The following EPS8 variants were observed in gnomAD, a reference collection of about 807,000 sequenced individuals.
EPS8 encodes the protein epidermal growth factor receptor kinase substrate 8.
A neutral mutation model predicts 103.8 loss-of-function variants in EPS8; 42 were observed. The observed-to-expected ratio is 0.40, with a 90% confidence interval of 0.32 to 0.52. The LOEUF (loss-of-function observed/expected upper bound fraction) is 0.52, where lower values mean the gene tolerates loss of function less well. EPS8 is among the 20% of genes least tolerant of loss of function. EPS8 has a pLI of 0.40. For missense variants in EPS8, 969 were observed against 1,005.1 expected, an observed-to-expected ratio of 0.96 and a Z score of 0.49; for synonymous variants, 344 against 344.6, an observed-to-expected ratio of 1.00 and a Z score of 0.02.
intron 14 of EPS8, 97 bp from the exon 15 acceptor site, chr12:15,647,357 G>C (rs1463281248): frequency 1.8e-6 from 2 of 1,101,946 alleles, no homozygotes; most frequent in Non-Finnish European, 2.5e-6. Flanking sequence ...ATTGTGATAA[G>C]TTTTCATTTT....
chr12:15,666,578 G>A lies in EPS8; in HGVS notation c.517-56C>T, dbSNP rs932682970. On this transcript the variant is annotated intron_variant, in intron 6 of 20. Transcript: ENST00000281172. Reference sequence around the variant, plus strand: ...TATGGATTTTTCTGAGTCTTGATATGTAGTTTAAAACAGAAAAAGGGATTG... The same window carrying A: ...TATGGATTTTTCTGAGTCTTGATATATAGTTTAAAACAGAAAAAGGGATTG... 7.3e-5 allele frequency: 93 copies of A among 1,275,754 alleles called. 1 individual carries two copies. Among genetic ancestry groups the A allele is most frequent in the Non-Finnish European group, 1.0e-4 (88 of 876,026 alleles). The allele number at this position is 1,275,754 out of a possible 1,614,324, so 79.0% of individuals were successfully genotyped here. A position where few individuals can be genotyped will look rare whatever the true frequency, so the allele number is the denominator to read the frequency against.
rs141657837 is a variant in EPS8 at position 15,686,286 on chromosome 12, G to A, written c.-21-3314C>T. ...AATATATAATACATATACAAAATAC[G>A]TTAATCAACTATTTATATGATCTTA... On this transcript the variant is annotated intron_variant, in intron 1 of 20. Coordinates refer to ENST00000281172, the MANE Select transcript of EPS8 (RefSeq NM_004447.6). Among the ~76,000 whole-genome samples the A allele has an allele frequency of 1.4e-3, 207 of 152,124 alleles. 5 individuals are homozygous for A. The East Asian group carries it at 0.037, about 27-fold the overall frequency.
chr12:15,666,403 A>T, intron 7 of EPS8, 37 bp downstream of exon 7: 1 of 1,502,452 alleles, frequency 6.7e-7, no homozygotes, highest in South Asian at 1.2e-5. Context: ...TTAGAAACAA[A>T]TCAATTCCAC....
At chr12:15,647,286 A>T in intron 14 of EPS8, 26 bp from the exon 15 acceptor site, 1 of 1,600,072 alleles carries the variant, frequency 6.2e-7, no homozygotes, top group Non-Finnish European at 8.5e-7. Context: ...GGGCAGATTA[A>T]AGAATCACCA....
In EPS8 at chr12:15,700,302, C is replaced by T. The variant is rs1946296315; in HGVS notation, c.-21-17330G>A. Among the ~76,000 whole-genome samples, 1 of 152,164 alleles carries T rather than the reference C, an allele frequency of 6.6e-6. No individual in the cohort carries two copies. Reference sequence around the variant, plus strand: ...AACGTATTCTTTTCTATCTTCTAAACAATTCTGAGGTGTGGCAAACTAGTA... The same window carrying T: ...AACGTATTCTTTTCTATCTTCTAAATAATTCTGAGGTGTGGCAAACTAGTA... On this transcript the variant is annotated intron_variant, in intron 1 of 20. Transcript: ENST00000281172. The surrounding 1 kb of genome is among the most constrained non-coding windows in gnomAD (Gnocchi z 5.1).
chr12:15,729,997 G>A (rs1249966235), intron 1 of EPS8, among the ~76,000 whole-genome samples: 1 of 152,010 alleles, frequency 6.6e-6, no homozygotes, highest in Non-Finnish European at 1.5e-5. Flanking sequence ...CACTTCTAGG[G>A]ATCAAGAACC....
Position 15,787,931 on chromosome 12 carries a change from G to C in EPS8, c.-22+1230C>G, listed in dbSNP as rs1947326851. On this transcript the variant is annotated intron_variant, in intron 1 of 20. Transcript: ENST00000281172. The surrounding 1 kb of genome is among the most constrained non-coding windows in gnomAD (Gnocchi z 4.9). ...AAAAAATCTATACTAGGTGAGACAGGATGACATTGACTTTAATTCCAATAG... is the reference window on the plus strand; with the variant it reads ...AAAAAATCTATACTAGGTGAGACAGCATGACATTGACTTTAATTCCAATAG... 6.6e-6 allele frequency: 1 copy of C among 152,154 alleles called. No homozygotes were observed. Among genetic ancestry groups the C allele is most frequent in the Admixed American group, 6.5e-5 (1 of 15,282 alleles). 9.4% of individuals were successfully genotyped at this position (152,154 alleles called of 1,614,324 possible).
At chr12:15,631,807 G>T in intron 17 of EPS8, 143 bp from the exon 18 acceptor site, 1 of 612,780 alleles carries the variant, frequency 1.6e-6, no homozygotes, top group Non-Finnish European at 2.8e-6. Flanking sequence ...ATCCTATATG[G>T]TATAATGACC....
chr12:15,737,115 C>T (rs1269905930), intron 1 of EPS8, among the ~76,000 whole-genome samples: 4 of 152,052 alleles, frequency 2.6e-5, no homozygotes, highest in Non-Finnish European at 5.9e-5. Context: ...AGACAGTGTA[C>T]TAAACACAAT....
Position 15,654,180 on chromosome 12 carries a change from C to T in EPS8, c.1215G>A (p.Leu405=). The change falls in exon 13 of 21, where the codon CTG becomes CTA. Residue 405 remains leucine, a synonymous_variant. Coordinates refer to ENST00000281172, the MANE Select transcript of EPS8 (RefSeq NM_004447.6). The part of the protein sequence containing the change: ...NYTVNGDERQ[L]WMSLGGTWMK... ...TCCAAGTTCCTCCCAATGACATCCA[C>T]AGCTGCCGTTCATCACCATTGACAG... 1 of 1,613,890 alleles carries T rather than the reference C, an allele frequency of 6.2e-7. No individual in the cohort carries two copies. The highest frequency in any genetic ancestry group is 8.5e-7 in the Non-Finnish European group (1 of 1,179,812).
Position 15,716,926 on chromosome 12 carries a change from T to C in EPS8, c.-21-33954A>G, listed in dbSNP as rs895291188. On this transcript the variant is annotated intron_variant, in intron 1 of 20. Coordinates refer to ENST00000281172, the MANE Select transcript of EPS8 (RefSeq NM_004447.6). This position sits in a 1 kb window ranked among gnomAD's most constrained non-coding sequence, Gnocchi z 5.0. ...TTCTTATAAGATCCACTATCTGCTT[T>C]GTCTTCTCTAAACCAATCCTTCTCC... Among the ~76,000 whole-genome samples the C allele has an allele frequency of 1.3e-5, 2 of 152,242 alleles. No homozygotes were observed. The highest frequency in any genetic ancestry group is 4.8e-5 in the African/African-American group (2 of 41,460).
chr12:15,682,353 A>G (rs1199362605), intron 2 of EPS8, among the ~76,000 whole-genome samples: 1 of 152,236 alleles, frequency 6.6e-6, no homozygotes, highest in Non-Finnish European at 1.5e-5. Context: ...CACAATGGCC[A>G]ATGTCAAATA....
Position 15,745,964 on chromosome 12 carries a change from C to T in EPS8, c.-22+43197G>A, listed in dbSNP as rs1946871242. Among the ~76,000 whole-genome samples the T allele has an allele frequency of 6.6e-6, 1 of 152,158 alleles. No individual in the cohort carries two copies. The highest frequency in any genetic ancestry group is 2.4e-5 in the African/African-American group (1 of 41,420). On this transcript the variant is annotated intron_variant, in intron 1 of 20. Coordinates refer to ENST00000281172, the MANE Select transcript of EPS8 (RefSeq NM_004447.6). The surrounding 1 kb of genome is among the most constrained non-coding windows in gnomAD (Gnocchi z 4.6). ...GCCTTATGAGGGTTGAAGAGTTACACCATTTTCTTTAACACACAGCTTTTA... is the reference window on the plus strand; with the variant it reads ...GCCTTATGAGGGTTGAAGAGTTACATCATTTTCTTTAACACACAGCTTTTA...
intron 1 of EPS8, among the ~76,000 whole-genome samples, chr12:15,708,893 G>T (rs1946423737): frequency 6.6e-6 from 1 of 152,130 alleles, no homozygotes; most frequent in Non-Finnish European, 1.5e-5. Context: ...GCTGTCCTTT[G>T]CCTGTCAGTA....
chr12:15,743,328 C>T (rs1475162325), intron 1 of EPS8, among the ~76,000 whole-genome samples: 1 of 152,102 alleles, frequency 6.6e-6, no homozygotes, highest in Non-Finnish European at 1.5e-5. Context: ...GTGAAAATGG[C>T]CATACTGCCC....
chr12:15,630,420 A>G (rs1341550524), intron 18 of EPS8, among the ~76,000 whole-genome samples: 1 of 152,140 alleles, frequency 6.6e-6, no homozygotes, highest in Non-Finnish European at 1.5e-5. Flanking sequence ...TTATCTTAAA[A>G]CTACCTTCAG....
intron 14 of EPS8, 129 bp from the exon 15 acceptor site, chr12:15,647,389 AAC>A: frequency 1.3e-6 from 1 of 759,854 alleles, no homozygotes; most frequent in South Asian, 2.4e-5. Context: ...CCATTATGTT[AAC>A]ACATTATCAA....
At chr12:15,661,954 C>A (rs1945612648) in intron 9 of EPS8, 72 bp downstream of exon 9, 8 of 1,109,412 alleles carry the variant, frequency 7.2e-6, no homozygotes, top group Admixed American at 1.9e-5. Flanking sequence ...AAATCAGCTT[C>A]ATTTTCTTAT....
intron 1 of EPS8, among the ~76,000 whole-genome samples, chr12:15,741,353 C>T (rs1946820656): frequency 6.6e-6 from 1 of 152,162 alleles, no homozygotes; most frequent in Non-Finnish European, 1.5e-5. Context: ...CATCCTGAGC[C>T]AGCAGTGAGA....
Sources: allele counts gnomAD v4.1 joint callset (sites outside exome capture counted in the v4.1 genomes callset), GRCh38; gene constraint gnomAD v4.1.1; non-coding constraint Gnocchi (gnomAD v3.1); transcripts MANE v1.5; gene names NCBI Gene and HGNC (gene_info 2026-07-23, HGNC 2026-07-21).